Variants in KIF13A observed in about 807,000 individuals in gnomAD.
The protein encoded by KIF13A is kinesin family member 13A, also known as kinesin-like protein KIF13A.
A neutral mutation model predicts 212.2 loss-of-function variants in KIF13A; 79 were observed. The observed-to-expected ratio is 0.37, with a 90% CI of 0.31 to 0.45. The LOEUF (loss-of-function observed/expected upper bound fraction) is 0.45, where lower values mean the gene tolerates loss of function less well. Among genes scored for constraint, KIF13A ranks in the 20% least tolerant of loss-of-function variants. The probability of loss-of-function intolerance (pLI) is 1.00; values close to 1 mark genes in which losing one functional copy is unlikely to be tolerated. For synonymous variants in KIF13A, 789 were observed against 808.6 expected, an observed-to-expected ratio of 0.98 and a Z score of 0.41; for missense variants, 1,901 against 2,209.0, an observed-to-expected ratio of 0.86 and a Z score of 2.79.
chr6:17,904,455 G>A (rs907215808), intron 2 of KIF13A, among the ~76,000 whole-genome samples: 1 of 152,162 alleles, frequency 6.6e-6, no homozygotes, highest in African/African-American at 2.4e-5. Flanking sequence ...GTGACAGAGT[G>A]AGACTGTGAC....
At chr6:17,889,896 G>C (rs1289021102) in intron 3 of KIF13A, among the ~76,000 whole-genome samples, 1 of 152,148 alleles carries the variant, frequency 6.6e-6, no homozygotes, top group Non-Finnish European at 1.5e-5. Flanking sequence ...GCTCACTCTA[G>C]CACTTTGGGA....
Position 17,776,744 on chromosome 6 carries a change from A to G in KIF13A, c.4170+533T>C, listed in dbSNP as rs1471989489. 6.6e-6 allele frequency among the ~76,000 whole-genome samples: 1 copy of G among 152,224 alleles called. No homozygotes were observed. The highest frequency in any genetic ancestry group is 1.9e-4 in the East Asian group (1 of 5,186). On this transcript the variant is annotated intron_variant, in intron 34 of 38. Coordinates refer to ENST00000259711, the MANE Select transcript of KIF13A (RefSeq NM_022113.6). This position sits in a 1 kb window ranked among gnomAD's most constrained non-coding sequence, Gnocchi z 4.6. ...AGTGCTCCATGCACTAATCTGTCCTATCCCTCTGTGACAGTGTCCCCCCTG... is the reference window on the plus strand; with the variant it reads ...AGTGCTCCATGCACTAATCTGTCCTGTCCCTCTGTGACAGTGTCCCCCCTG...
In KIF13A at chr6:17,895,913, C is replaced by T. The variant is rs1438467484; in HGVS notation, c.159+2255G>A. ...TCATTTCTGACAGCAGAAGTCTGAACAGGAACTTTCATTCTATGAATTTCA... is the reference window on the plus strand; with the variant it reads ...TCATTTCTGACAGCAGAAGTCTGAATAGGAACTTTCATTCTATGAATTTCA... On this transcript the variant is annotated intron_variant, in intron 3 of 38. Transcript: ENST00000259711. This position sits in a 1 kb window ranked among gnomAD's most constrained non-coding sequence, Gnocchi z 4.4. Among the ~76,000 whole-genome samples the T allele has an allele frequency of 6.6e-6, 1 of 152,196 alleles. No individual in the cohort carries two copies.
chr6:17,819,359 T>TC (rs1764233708), intron 16 of KIF13A, among the ~76,000 whole-genome samples: 1 of 152,018 alleles, frequency 6.6e-6, no homozygotes, highest in African/African-American at 2.4e-5. Context: ...GGTCAGGAGT[T>TC]CAAGATCTGC....
intron 2 of KIF13A, among the ~76,000 whole-genome samples, chr6:17,958,876 CTTTTTTTTTTTTTTTTTT>C (rs398000716): frequency 1.2e-5 from 1 of 83,082 alleles, no homozygotes; most frequent in Admixed American, 1.5e-4. Flanking sequence ...TTTTCTTTTT[CTTTTTTTTTTTTTTTTTT>C]TTTTTGAGAC....
intron 2 of KIF13A, among the ~76,000 whole-genome samples, chr6:17,907,219 A>G (rs1222773499): frequency 6.6e-6 from 1 of 152,230 alleles, no homozygotes; most frequent in African/African-American, 2.4e-5. Flanking sequence ...ACTGAGGAAC[A>G]AGGTATACAG....
At chr6:17,830,222 C>A (rs62394123) in intron 13 of KIF13A, among the ~76,000 whole-genome samples, 26,917 of 152,104 alleles carry the variant, frequency 0.18, 2,687 homozygotes, top group South Asian at 0.31. Context: ...CCTATGAAGT[C>A]AAAACTACTT....
intron 2 of KIF13A, among the ~76,000 whole-genome samples, chr6:17,933,938 A>G (rs935677787): frequency 3.9e-5 from 6 of 152,184 alleles, no homozygotes; most frequent in African/African-American, 9.7e-5. Context: ...CATATCCCTT[A>G]GTCCTGCTTT....
rs891375368 is a variant in KIF13A at position 17,771,775 on chromosome 6, T to C, written c.4476+133A>G. The C allele has an allele frequency of 1.2e-5, 9 of 748,560 alleles. No homozygotes were observed. Among genetic ancestry groups the C allele is most frequent in the Non-Finnish European group, 1.8e-5 (8 of 454,334 alleles). The allele number at this position is 748,560 out of a possible 1,614,324, so 46.4% of individuals were successfully genotyped here. A position where few individuals can be genotyped will look rare whatever the true frequency, so the allele number is the denominator to read the frequency against. On this transcript the variant is annotated intron_variant, in intron 37 of 38. Coordinates refer to ENST00000259711, the MANE Select transcript of KIF13A (RefSeq NM_022113.6). This position sits in a 1 kb window ranked among gnomAD's most constrained non-coding sequence, Gnocchi z 5.4. ...CTCTGCATGCTTGAGAAAGAGGAAT[T>C]CGAGAACGGGAACCATGGAGTGATG...
intron 9 of KIF13A, among the ~76,000 whole-genome samples, chr6:17,841,580 G>C (rs1336139526): frequency 6.6e-6 from 1 of 152,126 alleles, no homozygotes; most frequent in Non-Finnish European, 1.5e-5. Context: ...GAGCTGTATG[G>C]AAGTGTTATA....
chr6:17,777,491 C>G lies in KIF13A; in HGVS notation c.4093-137G>C. 6 of 695,666 alleles carry G rather than the reference C, an allele frequency of 8.6e-6. No homozygotes were observed. Among genetic ancestry groups the G allele is most frequent in the Non-Finnish European group, 1.5e-5 (6 of 396,550 alleles). 43.1% of individuals were successfully genotyped at this position (695,666 alleles called of 1,614,324 possible). On this transcript the variant is annotated intron_variant, in intron 33 of 38. Transcript: ENST00000259711. This position sits in a 1 kb window ranked among gnomAD's most constrained non-coding sequence, Gnocchi z 4.4. ...CTCTGCCTCCTGGGTTCAAGCAATT[C>G]TGCCTCAGTCTCCTGAGTAGCTGGG...
intron 9 of KIF13A, among the ~76,000 whole-genome samples, chr6:17,846,339 G>A (rs1274378638): frequency 6.6e-6 from 1 of 151,880 alleles, no homozygotes. Context: ...TTTAAAAAGA[G>A]ATAAAAATAC....
chr6:17,808,831 G>A lies in KIF13A; in HGVS notation c.2100C>T (p.Ser700=). ...GAGTCACTTGGTAATCGGTGAGTTT[G>A]CTCATTTCCTCAGCCAGGAAGTTTG... ...REANFLAEEM[S]KLTDYQVTLQ... The change falls in exon 18 of 39, where the codon AGC becomes AGT. Residue 700 remains serine, a synonymous_variant. Transcript: ENST00000259711. 3 of 1,613,854 alleles carry A rather than the reference G, an allele frequency of 1.9e-6. No homozygotes were observed. The highest frequency in any genetic ancestry group is 2.5e-6 in the Non-Finnish European group (3 of 1,179,850).
At chr6:17,960,919 A>G (rs187883442) in intron 2 of KIF13A, among the ~76,000 whole-genome samples, 1 of 152,316 alleles carries the variant, frequency 6.6e-6, no homozygotes, top group African/African-American at 2.4e-5. Flanking sequence ...CGAATTGAGT[A>G]CCGAACACTG....
In KIF13A at chr6:17,985,642, G is replaced by GGGC. The variant is rs1554128623; in HGVS notation, c.146+1411_146+1412insGCC. On this transcript the variant is annotated intron_variant, in intron 2 of 38. Transcript: ENST00000259711. ...ACAATATGCAGTTTGCGGGGGGGTGGGGGGAGGGGACATTCGTTGGTGATA... is the reference window on the plus strand; with the variant it reads ...ACAATATGCAGTTTGCGGGGGGGTGGGGCGGGGAGGGGACATTCGTTGGTGATA... 4.4e-4 allele frequency among the ~76,000 whole-genome samples: 42 copies of GGGC among 96,214 alleles called. 1 individual carries two copies. The highest frequency in any genetic ancestry group is 5.8e-4 in the Non-Finnish European group (30 of 52,152). 63.1% of individuals were successfully genotyped at this position (96,214 alleles called of 152,430 possible). A position where few individuals can be genotyped will look rare whatever the true frequency, so the allele number is the denominator to read the frequency against.
chr6:17,975,330 T>C (rs1259066135), intron 2 of KIF13A, among the ~76,000 whole-genome samples: 2 of 149,280 alleles, frequency 1.3e-5, no homozygotes, highest in Non-Finnish European at 3.0e-5. Context: ...AGTAGGTTCT[T>C]GGTCTCACTA....
intron 16 of KIF13A, among the ~76,000 whole-genome samples, chr6:17,822,158 C>T (rs1480209637): frequency 6.6e-6 from 1 of 151,526 alleles, no homozygotes; most frequent in Non-Finnish European, 1.5e-5. Context: ...GCTCCTGTCT[C>T]AGCCTCCTGA....
At chr6:17,921,686 G>C (rs972189693) in intron 2 of KIF13A, among the ~76,000 whole-genome samples, 1 of 152,270 alleles carries the variant, frequency 6.6e-6, no homozygotes, top group East Asian at 1.9e-4. Context: ...GGGGAGAGAG[G>C]AAGGGAGGAG....
chr6:17,857,215 A>C (rs1171241951), intron 4 of KIF13A, among the ~76,000 whole-genome samples: 1 of 152,188 alleles, frequency 6.6e-6, no homozygotes, highest in South Asian at 2.1e-4. Flanking sequence ...GAGACTCTTA[A>C]AAGTGTTTCA....
Sources: gnomAD v4.1 joint callset for allele counts (sites outside exome capture counted in the v4.1 genomes callset) on GRCh38, gnomAD v4.1.1 for gene constraint, Gnocchi (gnomAD v3.1) non-coding constraint, MANE v1.5 for transcripts, NCBI Gene and HGNC (gene_info 2026-07-23, HGNC 2026-07-21) for gene names.